The following AXIN1 variants were observed in gnomAD, a reference collection of about 807,000 sequenced individuals.
AXIN1 encodes the protein axin 1, also known as axin-1.
Under a neutral mutation model 76.4 loss-of-function variants are expected in AXIN1, and 30 were observed. The observed-to-expected ratio is 0.39, with a 90% CI of 0.29 to 0.53. The LOEUF (loss-of-function observed/expected upper bound fraction) is 0.53, where lower values mean the gene tolerates loss of function less well. AXIN1 is among the 20% of genes least tolerant of loss of function. The probability of loss-of-function intolerance (pLI) is 0.66; values close to 1 mark genes in which losing one functional copy is unlikely to be tolerated. For missense variants in AXIN1, 1,140 were observed against 1,198.8 expected, an observed-to-expected ratio of 0.95 and a Z score of 0.72; for synonymous variants, 545 against 501.4, an observed-to-expected ratio of 1.09 and a Z score of -1.16.
intron 2 of AXIN1, among the ~76,000 whole-genome samples, chr16:345,480 C>T (rs776949716): frequency 2.0e-5 from 3 of 152,174 alleles, no homozygotes; most frequent in East Asian, 1.9e-4. Context: ...TTTGGGAGGC[C>T]GAGGCAGGCA....
Position 294,356 on chromosome 16 carries a change from G to A in AXIN1, c.1956-638C>T, listed in dbSNP as rs141264851. 3.4e-4 allele frequency among the ~76,000 whole-genome samples: 52 copies of A among 151,184 alleles called. No individual in the cohort carries two copies. In the East Asian group the frequency reaches 8.8e-3, roughly 26 times the overall value. ...TGGATACCAGTAATTCTAGTTACTC[G>A]GGAGGCTGAGGCAGGAGAATCGCTT... On this transcript the variant is annotated intron_variant, in intron 7 of 10. Coordinates refer to ENST00000262320, the MANE Select transcript of AXIN1 (RefSeq NM_003502.4).
intron 10 of AXIN1, 79 bp downstream of exon 10, chr16:289,361 G>C (rs778863551): frequency 6.3e-7 from 1 of 1,577,396 alleles, no homozygotes; most frequent in East Asian, 2.2e-5. Flanking sequence ...CACTGTGCCC[G>C]GCTGGAAACC....
chr16:287,986 C>CG lies in AXIN1; in HGVS notation c.*135dup. Reference sequence around the variant, plus strand: ...GGGACCCCCTACCTGCCTCTAGACACGGGTAGACCACAGGGATGGGTGGTA... The same window carrying CG: ...GGGACCCCCTACCTGCCTCTAGACACGGGGTAGACCACAGGGATGGGTGGTA... On this transcript the variant is annotated 3_prime_UTR_variant, in exon 11 of 11. Coordinates refer to ENST00000262320, the MANE Select transcript of AXIN1 (RefSeq NM_003502.4). 1.4e-6 allele frequency: 2 copies of CG among 1,467,496 alleles called. No homozygotes were observed. The highest frequency in any genetic ancestry group is 1.9e-6 in the Non-Finnish European group (2 of 1,063,094). The allele number at this position is 1,467,496 out of a possible 1,614,324, so 90.9% of individuals were successfully genotyped here.
chr16:304,363 C>G lies in AXIN1; in HGVS notation c.1195G>C (p.Val399Leu), dbSNP rs1369177380. ...AEELIHRLEA[V>L]QRTREAEEKL... ...TCCTCGGCCTCCCGCGTGCGCTGCA[C>G]AGCCTCCAGGCGGTGGATGAGCTCC... is the stretch of plus-strand genomic sequence containing the variant. Residue 399 changes from valine to leucine, a missense_variant, in exon 5 of 11, where the codon GTG becomes CTG. Transcript: ENST00000262320. The G allele has an allele frequency of 6.2e-7, 1 of 1,612,670 alleles. No individual in the cohort carries two copies. Among genetic ancestry groups the G allele is most frequent in the Non-Finnish European group, 8.5e-7 (1 of 1,179,910 alleles).
rs1384445042 is a variant in AXIN1, at chr16:298,370, G to A, written c.1255-119C>T. The stretch of plus-strand genomic sequence containing the variant: ...GATGCCGTCCCAGCCCAGGGTGGCC[G>A]GGGGCCCCTCGCCACCGGTCCTGTC... On this transcript the variant is annotated intron_variant, in intron 5 of 10. Coordinates refer to ENST00000262320, the MANE Select transcript of AXIN1 (RefSeq NM_003502.4). 1.3e-5 allele frequency: 18 copies of A among 1,370,890 alleles called. No homozygotes were observed. The Admixed American group carries it at 1.4e-4, about 11-fold the overall frequency. 84.9% of individuals were successfully genotyped at this position (1,370,890 alleles called of 1,614,324 possible). A position where few individuals can be genotyped will look rare whatever the true frequency, so the allele number is the denominator to read the frequency against.
chr16:322,809 T>C (rs2053488452), intron 2 of AXIN1, among the ~76,000 whole-genome samples: 1 of 152,148 alleles, frequency 6.6e-6, no homozygotes, highest in African/African-American at 2.4e-5. Context: ...CACAAAAGCC[T>C]GGCAAGAAGC....
chr16:318,052 G>A (rs904934316), intron 2 of AXIN1, among the ~76,000 whole-genome samples: 6 of 152,098 alleles, frequency 3.9e-5, no homozygotes, highest in African/African-American at 1.2e-4. Flanking sequence ...AGCACACGGC[G>A]CGTCTGTAGC....
At chr16:320,793 G>A (rs1278751404) in intron 2 of AXIN1, among the ~76,000 whole-genome samples, 1 of 74,660 alleles carries the variant, frequency 1.3e-5, no homozygotes, top group Non-Finnish European at 2.6e-5. Flanking sequence ...AGACTGGAGT[G>A]CAGTGGCGCG....
At position 346,173 on chromosome 16, in the gene AXIN1, G is replaced by A. The variant is rs370974968; in HGVS notation, c.853C>T (p.Arg285Trp). ...CTGAACTCTCTGCCTTCGCTGTACC[G>A]TCTACTGGAGGAGACCCTCGGGGCA... ...TAAPRVSSSR[R>W]YSEGREFRYG... The change falls in exon 2 of 11, where the codon CGG becomes TGG. Residue 285 changes from arginine (R) to tryptophan (W), a missense_variant. By Grantham distance (101) the Arg-to-Trp change is moderately radical. This residue lies in a region of AXIN1 where 708 missense variants were observed against 776.9 expected (regional missense o/e 0.91). Coordinates refer to ENST00000262320, the MANE Select transcript of AXIN1 (RefSeq NM_003502.4). 3.1e-5 allele frequency: 50 copies of A among 1,613,668 alleles called. No individual in the cohort carries two copies. The highest frequency in any genetic ancestry group is 2.9e-4 in the South Asian group (26 of 91,090).
Position 293,356 on chromosome 16 carries a change from G to T in AXIN1, c.2186+132C>A. Reference sequence around the variant, plus strand: ...CTCAGTGGTTCTCAGTGGATGGAAGGGCCCAGTATGGCTGGGGGACACCCA... The same window carrying T: ...CTCAGTGGTTCTCAGTGGATGGAAGTGCCCAGTATGGCTGGGGGACACCCA... On this transcript the variant is annotated intron_variant, in intron 8 of 10. Transcript: ENST00000262320. The surrounding 1 kb of genome is among the most constrained non-coding windows in gnomAD (Gnocchi z 4.6). 1.1e-6 allele frequency: 1 copy of T among 886,478 alleles called. No homozygotes were observed. The highest frequency in any genetic ancestry group is 1.7e-6 in the Non-Finnish European group (1 of 576,986). The allele number at this position is 886,478 out of a possible 1,614,324, so 54.9% of individuals were successfully genotyped here.
intron 2 of AXIN1, among the ~76,000 whole-genome samples, chr16:321,863 G>A (rs535157478): frequency 9.2e-5 from 14 of 152,328 alleles, no homozygotes; most frequent in African/African-American, 2.2e-4. Flanking sequence ...CTTGCCCTTC[G>A]TTGACGGGCA....
rs952458043 is a variant in AXIN1 at position 287,906 on chromosome 16, G to T, written c.*216C>A. On this transcript the variant is annotated 3_prime_UTR_variant, in exon 11 of 11. Coordinates refer to ENST00000262320, the MANE Select transcript of AXIN1 (RefSeq NM_003502.4). ...TGGGCCCTCCAAGTATTGCTATGAG[G>T]AGTGGTCCAGGCTGCCTCCTTGGGG... 12 of 702,938 alleles carry T rather than the reference G, an allele frequency of 1.7e-5. No individual in the cohort carries two copies. The African/African-American group carries it at 1.8e-4, about 10-fold the overall frequency. The allele number at this position is 702,938 out of a possible 1,614,324, so 43.5% of individuals were successfully genotyped here. A position where few individuals can be genotyped will look rare whatever the true frequency, so the allele number is the denominator to read the frequency against.
At chr16:294,755 C>CAAAAAAAA (rs1015576394) in intron 7 of AXIN1, among the ~76,000 whole-genome samples, 2 of 24,762 alleles carry the variant, frequency 8.1e-5, no homozygotes, top group African/African-American at 1.7e-4. Context: ...AACCCCATCT[C>CAAAAAAAA]AAAAAAAAAA....
In AXIN1 at chr16:298,034, T is replaced by C. The variant is rs2052765057; in HGVS notation, c.1472A>G (p.His491Arg). The part of the protein sequence containing the change: ...TPGRQSPGPG[H>R]RSPDSGHVAK... Reference sequence around the variant, plus strand: ...CACGTGCCCACTGTCCGGGGAGCGATGGCCAGGCCCAGGCGACTGGCGGCC... The same window carrying C: ...CACGTGCCCACTGTCCGGGGAGCGACGGCCAGGCCCAGGCGACTGGCGGCC... Residue 491 changes from histidine (H) to arginine (R), a missense_variant, in exon 6 of 11, where the codon CAT (histidine) becomes CGT (arginine). His to Arg is a conservative substitution (Grantham distance 29). Around this residue, in one of 3 missense-constraint regions of AXIN1, gnomAD observed 708 missense variants for 776.9 expected, o/e 0.91. Coordinates refer to ENST00000262320, the MANE Select transcript of AXIN1 (RefSeq NM_003502.4). The C allele has an allele frequency of 4.4e-6, 7 of 1,591,030 alleles. No individual in the cohort carries two copies. The highest frequency in any genetic ancestry group is 1.6e-4 in the Middle Eastern group (1 of 6,062).
Position 346,847 on chromosome 16 carries a change from G to A in AXIN1, c.179C>T (p.Thr60Ile), listed in dbSNP as rs2141707846. ...CAGGTCCAGATCCGAGCGCCTCGGA[G>A]TGGCCGTCGAAGTCTCACCTTTAAT... is the stretch of plus-strand genomic sequence containing the variant. ...VGIKGETSTA[T>I]PRRSDLDLGY... Residue 60 changes from threonine to isoleucine, a missense_variant, in exon 2 of 11, where the codon ACT becomes ATT. Around this residue, in one of 3 missense-constraint regions of AXIN1, gnomAD observed 708 missense variants for 776.9 expected, o/e 0.91. Coordinates refer to ENST00000262320, the MANE Select transcript of AXIN1 (RefSeq NM_003502.4). The A allele has an allele frequency of 1.2e-6, 2 of 1,613,664 alleles. No individual in the cohort carries two copies. Among genetic ancestry groups the A allele is most frequent in the Non-Finnish European group, 1.7e-6 (2 of 1,179,570 alleles).
At chr16:308,047 T>C (rs565205863) in intron 4 of AXIN1, among the ~76,000 whole-genome samples, 1 of 152,196 alleles carries the variant, frequency 6.6e-6, no homozygotes, top group Non-Finnish European at 1.5e-5. Flanking sequence ...GATGAGGTTG[T>C]TTGCTGCAGA....
chr16:320,826 G>GCCTC (rs1415153751), intron 2 of AXIN1, among the ~76,000 whole-genome samples: 1 of 145,486 alleles, frequency 6.9e-6, no homozygotes, highest in Non-Finnish European at 1.5e-5. Flanking sequence ...TACAACCTCC[G>GCCTC]CCTCCTGGGT....
At chr16:289,713 G>T (rs2052499304) in intron 9 of AXIN1, 106 bp from the exon 10 acceptor site, 2 of 1,438,910 alleles carry the variant, frequency 1.4e-6, no homozygotes, top group Non-Finnish European at 9.5e-7. Flanking sequence ...GGCCTGCAGG[G>T]GTGAGCAGCA....
chr16:305,611 T>C (rs2052999410), intron 4 of AXIN1, among the ~76,000 whole-genome samples: 1 of 152,142 alleles, frequency 6.6e-6, no homozygotes, highest in South Asian at 2.1e-4. Flanking sequence ...TGGCGCGATT[T>C]CGGCTCACTG....
Sources: gnomAD v4.1 joint callset for allele counts (sites outside exome capture counted in the v4.1 genomes callset) on GRCh38, gnomAD v4.1.1 for gene constraint, gnomAD v4.1.1 regional missense constraint, Gnocchi (gnomAD v3.1) non-coding constraint, MANE v1.5 for transcripts, NCBI Gene and HGNC (gene_info 2026-07-23, HGNC 2026-07-21) for gene names.